The following CALN1 variants were observed in gnomAD, a reference collection of about 807,000 sequenced individuals.
CALN1 encodes the protein calneuron 1.
Under a neutral mutation model 30.6 loss-of-function variants are expected in CALN1, and 17 were observed. The observed-to-expected ratio is 0.56, with a 90% CI of 0.38 to 0.83. CALN1 has a LOEUF of 0.83. Ranked by LOEUF, CALN1 falls within the 40% of genes least tolerant of loss-of-function variation. The probability of loss-of-function intolerance (pLI) is 0.00; values close to 1 mark genes in which losing one functional copy is unlikely to be tolerated. For synonymous variants in CALN1, 156 were observed against 131.4 expected (o/e 1.19, Z -1.28); for missense variants, 291 against 354.9 (o/e 0.82, Z 1.45).
At chr7:71,843,012 T>C (rs1389648209) in intron 5 of CALN1, among the ~76,000 whole-genome samples, 2 of 152,182 alleles carry the variant, frequency 1.3e-5, no homozygotes, top group Admixed American at 6.5e-5. Flanking sequence ...TGAGAGGTTG[T>C]TATTTCATTT....
At chr7:72,325,677 CAGTT>C (rs1272053125) in intron 2 of CALN1, among the ~76,000 whole-genome samples, 1 of 152,092 alleles carries the variant, frequency 6.6e-6, no homozygotes, top group African/African-American at 2.4e-5. Flanking sequence ...GGAACCAAGT[CAGTT>C]AGTTGCCTAG....
At chr7:72,002,057 AC>A (rs1342266800) in intron 5 of CALN1, among the ~76,000 whole-genome samples, 1 of 152,188 alleles carries the variant, frequency 6.6e-6, no homozygotes, top group Non-Finnish European at 1.5e-5. Flanking sequence ...AAGAACAACT[AC>A]AAAAATTCTA....
chr7:72,111,615 A>ACT (rs1477483336), intron 3 of CALN1, among the ~76,000 whole-genome samples: 1 of 151,024 alleles, frequency 6.6e-6, no homozygotes, highest in Non-Finnish European at 1.5e-5. Flanking sequence ...CTAATTTTTT[A>ACT]TTTTTCATTT....
intron 2 of CALN1, among the ~76,000 whole-genome samples, chr7:72,317,565 G>A (rs1463616446): frequency 6.6e-6 from 1 of 152,216 alleles, no homozygotes; most frequent in African/African-American, 2.4e-5. Context: ...CAGCTGGGCT[G>A]CAAACGCTGG....
intron 3 of CALN1, among the ~76,000 whole-genome samples, chr7:72,137,811 C>T (rs1050688355): frequency 2.6e-5 from 4 of 152,110 alleles, no homozygotes; most frequent in African/African-American, 7.2e-5. Context: ...GAGGACATCA[C>T]GCCTGCTGCT....
chr7:72,002,028 G>A (rs867266961), intron 5 of CALN1, among the ~76,000 whole-genome samples: 1 of 152,156 alleles, frequency 6.6e-6, no homozygotes, highest in East Asian at 1.9e-4. Context: ...AAGAAGAGAA[G>A]AATTAACTGA....
intron 1 of CALN1, among the ~76,000 whole-genome samples, chr7:72,431,500 G>C (rs34188115): frequency 6.6e-6 from 1 of 152,156 alleles, no homozygotes; most frequent in East Asian, 1.9e-4. Flanking sequence ...TTGCCATAGA[G>C]AATGACTTGG....
the CALN1 span, among the ~76,000 whole-genome samples, chr7:72,456,375 GATAA>G: frequency 5.9e-4 from 90 of 151,680 alleles, no homozygotes; most frequent in African/African-American, 2.0e-3. Flanking sequence ...TAAATAAATA[GATAA>G]ATAAATAAAT....
intron 2 of CALN1, among the ~76,000 whole-genome samples, chr7:72,368,982 T>C (rs1257755185): frequency 6.6e-6 from 1 of 151,582 alleles, no homozygotes; most frequent in Non-Finnish European, 1.5e-5. Context: ...GCCCAGCTAA[T>C]TTTTGTATTT....
intron 1 of CALN1, among the ~76,000 whole-genome samples, chr7:72,428,761 G>A (rs926042841): frequency 1.3e-5 from 2 of 152,160 alleles, no homozygotes; most frequent in Non-Finnish European, 2.9e-5. Flanking sequence ...CACTTTGAGA[G>A]TCCAAGGCGG....
intron 2 of CALN1, among the ~76,000 whole-genome samples, chr7:72,356,158 A>C (rs998571400): frequency 1.3e-5 from 2 of 152,210 alleles, no homozygotes; most frequent in African/African-American, 4.8e-5. Flanking sequence ...GATTGTGGTT[A>C]AAATTTTGTA....
At chr7:71,895,241 C>T (rs188288547) in intron 5 of CALN1, among the ~76,000 whole-genome samples, 2 of 152,290 alleles carry the variant, frequency 1.3e-5, no homozygotes, top group Admixed American at 6.5e-5. Flanking sequence ...ATACATGAAC[C>T]ATTGTGCCCG....
At chr7:72,174,197 C>G (rs532749068) in intron 3 of CALN1, among the ~76,000 whole-genome samples, 1 of 152,224 alleles carries the variant, frequency 6.6e-6, no homozygotes, top group East Asian at 1.9e-4. Flanking sequence ...TATATACCAC[C>G]ACACTTCAGC....
chr7:72,272,784 G>A (rs1264463573), intron 3 of CALN1, among the ~76,000 whole-genome samples: 2 of 151,934 alleles, frequency 1.3e-5, no homozygotes, highest in Non-Finnish European at 2.9e-5. Context: ...GTTTTCCATG[G>A]GAATCTATTC....
intron 5 of CALN1, among the ~76,000 whole-genome samples, chr7:71,849,729 G>A (rs958818627): frequency 3.3e-5 from 5 of 151,888 alleles, no homozygotes; most frequent in African/African-American, 1.2e-4. Context: ...CTGCATCCTC[G>A]AACTCCTAGG....
Position 71,795,968 on chromosome 7 carries a change from G to A in CALN1, c.659-8066C>T, listed in dbSNP as rs543758653. 1.0e-4 allele frequency among the ~76,000 whole-genome samples: 15 copies of A among 150,694 alleles called. No homozygotes were observed. The East Asian group carries it at 1.2e-3, about 12-fold the overall frequency. On this transcript the variant is annotated intron_variant, in intron 6 of 6. Coordinates refer to ENST00000395275, the MANE Select transcript of CALN1 (RefSeq NM_031468.4). The stretch of plus-strand genomic sequence containing the variant: ...CGAGTAGCTGGGACTACAGGCACCC[G>A]CCACCACACCCGGCTAATTTTTTGC...
At chr7:72,057,637 C>A (rs562149842) in intron 4 of CALN1, among the ~76,000 whole-genome samples, 1 of 151,810 alleles carries the variant, frequency 6.6e-6, no homozygotes, top group Admixed American at 6.6e-5. Context: ...ATTATGTTTT[C>A]CAGTCCTTTT....
chr7:71,998,615 G>C (rs1253650138), intron 5 of CALN1, among the ~76,000 whole-genome samples: 1 of 150,174 alleles, frequency 6.7e-6, no homozygotes, highest in Non-Finnish European at 1.5e-5. Flanking sequence ...TGTTCCCCAG[G>C]CTGGAGTGCA....
At chr7:71,794,331 T>A (rs919532637) in intron 6 of CALN1, among the ~76,000 whole-genome samples, 1 of 152,230 alleles carries the variant, frequency 6.6e-6, no homozygotes, top group Non-Finnish European at 1.5e-5. Context: ...GGCACTAATT[T>A]ATGCATTTCT....
Sources: allele counts gnomAD v4.1 joint callset (sites outside exome capture counted in the v4.1 genomes callset), GRCh38; gene constraint gnomAD v4.1.1; transcripts MANE v1.5; gene names NCBI Gene and HGNC (gene_info 2026-07-23, HGNC 2026-07-21).